Variants in SNED1 observed in about 807,000 individuals in gnomAD.
SNED1 encodes the protein sushi, nidogen and EGF-like domain-containing protein 1.
SNED1 carries 81 observed loss-of-function variants against 166.7 expected under a neutral mutation model. The ratio of observed to expected loss-of-function variants is 0.49; its 90% CI spans 0.41 to 0.58. The LOEUF (loss-of-function observed/expected upper bound fraction) is 0.58, where lower values mean the gene tolerates loss of function less well. Among genes scored for constraint, SNED1 ranks in the 20% least tolerant of loss-of-function variants. SNED1 has a pLI of 0.00. For synonymous variants in SNED1, 762 were observed against 822.0 expected (o/e 0.93, Z 1.25); for missense variants, 1,604 against 2,000.2 (o/e 0.80, Z 3.78).
At chr2:241,046,005 C>T (rs188334821) in intron 8 of SNED1, among the ~76,000 whole-genome samples, 38 of 152,208 alleles carry the variant, frequency 2.5e-4, no homozygotes, top group South Asian at 2.1e-3. Flanking sequence ...AAGACTTGAA[C>T]GGATACTTGG....
chr2:241,055,351 C>T (rs1465092254), intron 16 of SNED1, among the ~76,000 whole-genome samples: 1 of 152,068 alleles, frequency 6.6e-6, no homozygotes, highest in Non-Finnish European at 1.5e-5. Context: ...ATATCCTAGA[C>T]AAACAGAAAA....
rs918051358 is a variant in SNED1, at chr2:241,073,952, C to G, written c.3916+588C>G. 6.4e-6 allele frequency: 1 copy of G among 156,526 alleles called. No individual in the cohort carries two copies. The highest frequency in any genetic ancestry group is 2.4e-5 in the African/African-American group (1 of 41,544). The allele number at this position is 156,526 out of a possible 1,614,324, so 9.7% of individuals were successfully genotyped here. On this transcript the variant is annotated intron_variant, in intron 27 of 31. Transcript: ENST00000310397. The surrounding 1 kb of genome is among the most constrained non-coding windows in gnomAD (Gnocchi z 6.6). ...TTCCCAGACGCTCACGAGGCAGTTC[C>G]CCTTCGGGCAGCACCAATACATGTG...
intron 21 of SNED1, among the ~76,000 whole-genome samples, chr2:241,067,033 C>T (rs563775683): frequency 6.6e-6 from 1 of 152,308 alleles, no homozygotes; most frequent in South Asian, 2.1e-4. Context: ...AGGGGTGGCT[C>T]GCCTGGGCTG....
At chr2:241,061,377 G>A (rs1175445435) in intron 16 of SNED1, among the ~76,000 whole-genome samples, 1 of 152,212 alleles carries the variant, frequency 6.6e-6, no homozygotes, top group African/African-American at 2.4e-5. Flanking sequence ...TGAGAATGTG[G>A]ATCAACAAGA....
Position 241,068,812 on chromosome 2 carries a change from C to A in SNED1, c.3195-99C>A. ...GGCCACCAGCAGCAGGATGACCTCC[C>A]CGCAGTCACCTCCTGCCTGGGGGAG... On this transcript the variant is annotated intron_variant, in intron 22 of 31. Coordinates refer to ENST00000310397, the MANE Select transcript of SNED1 (RefSeq NM_001080437.3). The surrounding 1 kb of genome is among the most constrained non-coding windows in gnomAD (Gnocchi z 5.3). The A allele has an allele frequency of 1.2e-6, 1 of 802,060 alleles. No individual in the cohort carries two copies. The highest frequency in any genetic ancestry group is 2.0e-6 in the Non-Finnish European group (1 of 499,274). The allele number at this position is 802,060 out of a possible 1,614,324, so 49.7% of individuals were successfully genotyped here.
Position 241,067,804 on chromosome 2 carries a change from G to A in SNED1, c.3051G>A (p.Thr1017=), listed in dbSNP as rs778911371. ...AAGGCTTCGAGGTCACCAATGTGACGGCTAGCACCATCTCAGTGCAGTGGG... is the reference window on the plus strand; with the variant it reads ...AAGGCTTCGAGGTCACCAATGTGACAGCTAGCACCATCTCAGTGCAGTGGG... ...PVEGFEVTNV[T]ASTISVQWAL... Residue 1017 remains threonine, a synonymous_variant, in exon 22 of 32, where the codon ACG becomes ACA. Transcript: ENST00000310397. 5.1e-5 allele frequency: 83 copies of A among 1,613,018 alleles called. No homozygotes were observed. The highest frequency in any genetic ancestry group is 2.4e-4 in the South Asian group (22 of 91,066).
intron 8 of SNED1, among the ~76,000 whole-genome samples, chr2:241,045,338 A>G (rs755272378): frequency 4.3e-4 from 66 of 152,358 alleles, no homozygotes; most frequent in South Asian, 8.3e-4. Context: ...AAGAATTTAG[A>G]AAACCAAAAC....
chr2:241,063,663 GT>G lies in SNED1; in HGVS notation c.2449del (p.Cys817AlafsTer51). ...ACCTCCCAGGGGCCTATGTCTGCCG[GT>G]GCCCTGCAGGCTTCGTTGGAGTCCA... is the stretch of plus-strand genomic sequence containing the variant. ...RNLPGAYVCRCPAGFVGVHCE... is the reference protein window; with the variant it reads ...RNLPGAYVCRXPAGFVGVHCE... On this transcript the variant is annotated frameshift_variant, in exon 18 of 32. Transcript: ENST00000310397. LOFTEE classifies it high-confidence loss of function. The G allele has an allele frequency of 1.9e-6, 3 of 1,612,178 alleles. No homozygotes were observed. The highest frequency in any genetic ancestry group is 1.3e-5 in the African/African-American group (1 of 75,024).
intron 3 of SNED1, 68 bp downstream of exon 3, chr2:241,033,943 T>C: frequency 6.6e-7 from 1 of 1,509,206 alleles, no homozygotes; most frequent in East Asian, 2.4e-5. Flanking sequence ...TGTCATGAGC[T>C]GATGAGGTAG....
intron 31 of SNED1, chr2:241,088,728 G>C (rs930381236): frequency 2.8e-5 from 10 of 359,934 alleles, no homozygotes; most frequent in South Asian, 2.1e-4. Flanking sequence ...GAAGAGGCAG[G>C]GGGGTGGGCC....
Position 241,090,023 on chromosome 2 carries a change from G to C in SNED1, c.*2-1615G>C. ...GTAGCTGGAATGCGCAGGACTGGCA[G>C]TTGCACAATAATAAATTAGTCCTGC... On this transcript the variant is annotated intron_variant, in intron 31 of 31. Coordinates refer to ENST00000310397, the MANE Select transcript of SNED1 (RefSeq NM_001080437.3). 2.6e-6 allele frequency: 4 copies of C among 1,547,698 alleles called. No homozygotes were observed. In the South Asian group the frequency reaches 4.8e-5, roughly 19 times the overall value.
chr2:241,000,156 G>A (rs936096939), intron 1 of SNED1, among the ~76,000 whole-genome samples: 4 of 151,924 alleles, frequency 2.6e-5, no homozygotes, highest in East Asian at 1.9e-4. Context: ...CCAGCTTCCC[G>A]TCGTCACCAT....
At position 241,073,522 on chromosome 2, in the gene SNED1, G is replaced by A; in HGVS notation, c.3916+158G>A. ...ACCAGGCACCCCGGTGTGGGAAGATGGGGTGAAGCTACACCACCCAAGCAG... is the reference window on the plus strand; with the variant it reads ...ACCAGGCACCCCGGTGTGGGAAGATAGGGTGAAGCTACACCACCCAAGCAG... On this transcript the variant is annotated intron_variant, in intron 27 of 31. Coordinates refer to ENST00000310397, the MANE Select transcript of SNED1 (RefSeq NM_001080437.3). The surrounding 1 kb of genome is among the most constrained non-coding windows in gnomAD (Gnocchi z 6.6). 1.5e-6 allele frequency: 1 copy of A among 684,394 alleles called. No individual in the cohort carries two copies. The highest frequency in any genetic ancestry group is 2.7e-6 in the Non-Finnish European group (1 of 375,956). 42.4% of individuals were successfully genotyped at this position (684,394 alleles called of 1,614,324 possible). A position where few individuals can be genotyped will look rare whatever the true frequency, so the allele number is the denominator to read the frequency against.
At position 241,034,714 on chromosome 2, in the gene SNED1, G is replaced by A. The variant is rs1001031411; in HGVS notation, c.789G>A (p.Gly263=). 4.4e-6 allele frequency: 7 copies of A among 1,574,406 alleles called. No homozygotes were observed. The highest frequency in any genetic ancestry group is 6.0e-6 in the Non-Finnish European group (7 of 1,160,506). The change falls in exon 4 of 32, where the codon GGG becomes GGA. Residue 263 remains glycine, a synonymous_variant. Coordinates refer to ENST00000310397, the MANE Select transcript of SNED1 (RefSeq NM_001080437.3). The stretch of plus-strand genomic sequence containing the variant: ...TCGATGATGCCCAGGTGCGCGTGGG[G>A]GGCTGCGGCCATACAAGTAAGAGGA... ...FRIDDAQVRV[G]GCGHTTSVCL...
At chr2:241,059,818 G>C (rs2062174877) in intron 16 of SNED1, among the ~76,000 whole-genome samples, 1 of 152,158 alleles carries the variant, frequency 6.6e-6, no homozygotes. Context: ...AGTGTACTCA[G>C]TGGTGAAAGA....
At chr2:241,065,065 C>G (rs1335156053) in intron 20 of SNED1, 108 bp downstream of exon 20, 21 of 940,964 alleles carry the variant, frequency 2.2e-5, no homozygotes, top group Non-Finnish European at 3.3e-5. Flanking sequence ...TTGCCCAGGC[C>G]CCTTCCCTGA....
intron 8 of SNED1, among the ~76,000 whole-genome samples, chr2:241,043,679 A>T (rs1331032739): frequency 6.6e-6 from 1 of 152,228 alleles, no homozygotes; most frequent in Non-Finnish European, 1.5e-5. Flanking sequence ...AATAAAATAG[A>T]TGACTCCAAT....
At position 241,036,989 on chromosome 2, in the gene SNED1, G is replaced by A. The variant is rs976005297; in HGVS notation, c.931+74G>A. 2.2e-5 allele frequency: 33 copies of A among 1,522,454 alleles called. No homozygotes were observed. The East Asian group carries it at 3.4e-4, about 16-fold the overall frequency. The allele number at this position is 1,522,454 out of a possible 1,614,324, so 94.3% of individuals were successfully genotyped here. A position where few individuals can be genotyped will look rare whatever the true frequency, so the allele number is the denominator to read the frequency against. On this transcript the variant is annotated intron_variant, in intron 5 of 31. Coordinates refer to ENST00000310397, the MANE Select transcript of SNED1 (RefSeq NM_001080437.3). ...AGGAGGAGCACTGTAGGCTCCGCCAGTGGCCCTGGGCGCCCAGGGTCCCAG... is the reference window on the plus strand; with the variant it reads ...AGGAGGAGCACTGTAGGCTCCGCCAATGGCCCTGGGCGCCCAGGGTCCCAG...
At chr2:241,014,062 G>A (rs1322895767) in intron 1 of SNED1, among the ~76,000 whole-genome samples, 4 of 151,410 alleles carry the variant, frequency 2.6e-5, no homozygotes, top group Non-Finnish European at 5.9e-5. Flanking sequence ...AGGCTGGAGC[G>A]CAGTGGTGCG....
Sources: gnomAD v4.1 joint callset for allele counts (sites outside exome capture counted in the v4.1 genomes callset) on GRCh38, gnomAD v4.1.1 for gene constraint, Gnocchi (gnomAD v3.1) non-coding constraint, MANE v1.5 for transcripts, NCBI Gene and HGNC (gene_info 2026-07-23, HGNC 2026-07-21) for gene names.